ZNF682: variants seen among roughly 807,000 people sequenced by gnomAD.
ZNF682 encodes zinc finger protein 682.
A neutral mutation model predicts 36.5 loss-of-function variants in ZNF682; 29 were observed. The observed-to-expected ratio is 0.80, with a 90% CI of 0.59 to 1.08. The LOEUF is 1.08. ZNF682 is among the 50% of genes least tolerant of loss of function. The probability of loss-of-function intolerance (pLI) is 0.00; values close to 1 mark genes in which losing one functional copy is unlikely to be tolerated. For synonymous variants in ZNF682, 180 were observed against 197.0 expected (o/e 0.91, Z 0.72); for missense variants, 561 against 579.7 (o/e 0.97, Z 0.33).
intron 3 of ZNF682, among the ~76,000 whole-genome samples, chr19:20,012,618 A>C (rs1006081375): frequency 2.6e-5 from 4 of 151,938 alleles, no homozygotes; most frequent in Non-Finnish European, 5.9e-5. Context: ...AATACAAAAA[A>C]TTAGTGGGGC....
chr19:20,028,213 G>GGTTTGTTTGTTTGTTT (rs61022181), intron 1 of ZNF682, among the ~76,000 whole-genome samples: 23 of 151,514 alleles, frequency 1.5e-4, no homozygotes, highest in South Asian at 4.2e-4. Flanking sequence ...TGATTCTGCA[G>GGTTTGTTTGTTTGTTT]GTTTGTTTGT....
At chr19:20,036,326 G>A (rs952764473) in intron 1 of ZNF682, among the ~76,000 whole-genome samples, 1 of 151,924 alleles carries the variant, frequency 6.6e-6, no homozygotes, top group Non-Finnish European at 1.5e-5. Context: ...CCTATCCTTC[G>A]TGTTTTCTGA....
intron 1 of ZNF682, among the ~76,000 whole-genome samples, chr19:20,032,132 T>A (rs2088484788): frequency 6.6e-6 from 1 of 152,198 alleles, no homozygotes; most frequent in Non-Finnish European, 1.5e-5. Flanking sequence ...CTAACAGAAC[T>A]TGCATCCCTC....
At position 20,007,002 on chromosome 19, in the gene ZNF682, T is replaced by C. The variant is rs1239726804; in HGVS notation, c.500A>G (p.His167Arg). ...ACATTTGAAAAGTTTCTCTGTAGTA[T>C]GTCTTATGTTTTCTCTATTTAGATT... ...SSNLNRENIR[H>R]TTEKLFKCMQ... is the part of the protein sequence containing the mutation. Residue 167 changes from histidine (H) to arginine (R), a missense_variant, in exon 4 of 4, where the codon CAT becomes CGT. By Grantham distance (29) the His-to-Arg change is conservative (BLOSUM62 0). Coordinates refer to ENST00000397165, the MANE Select transcript of ZNF682 (RefSeq NM_033196.3). 5.6e-6 allele frequency: 9 copies of C among 1,613,142 alleles called. No homozygotes were observed. The highest frequency in any genetic ancestry group is 1.1e-5 in the South Asian group (1 of 90,980).
rs751656039 is a variant in ZNF682, at chr19:20,006,777, G to A, written c.725C>T (p.Ser242Leu). The A allele has an allele frequency of 1.1e-5, 17 of 1,613,718 alleles. No individual in the cohort carries two copies. Among genetic ancestry groups the A allele is most frequent in the Middle Eastern group, 1.6e-4 (1 of 6,084 alleles). ...EECGKAFNWC[S>L]SLTKHKRIHT... is the part of the protein sequence containing the mutation. ...GATTCTCTTATGTTTAGTAAGACTC[G>A]AGCACCAGTTAAAAGCTTTGCCACA... The change falls in exon 4 of 4, where the codon TCG (serine) becomes TTG (leucine). Residue 242 changes from serine (S) to leucine (L), a missense_variant. Transcript: ENST00000397165.
chr19:20,004,523 T>C lies in ZNF682; in HGVS notation c.*1482A>G, dbSNP rs1000048855. The C allele has an allele frequency of 6.6e-6, 1 of 152,226 alleles. No homozygotes were observed. The highest frequency in any genetic ancestry group is 2.4e-5 in the African/African-American group (1 of 41,462). 9.4% of individuals were successfully genotyped at this position (152,226 alleles called of 1,614,324 possible). A position where few individuals can be genotyped will look rare whatever the true frequency, so the allele number is the denominator to read the frequency against. Reference sequence around the variant, plus strand: ...CTAATGTGCAATTGGTAAAACAATTTACTAAAATTTGAATAATGCACAAGA... The same window carrying C: ...CTAATGTGCAATTGGTAAAACAATTCACTAAAATTTGAATAATGCACAAGA... On this transcript the variant is annotated 3_prime_UTR_variant, in exon 4 of 4. Transcript: ENST00000397165.
At chr19:19,995,228 CATA>C (rs1242957394), downstream of ZNF682, among the ~76,000 whole-genome samples, 5 of 152,064 alleles carry the variant, frequency 3.3e-5, no homozygotes, top group Admixed American at 2.6e-4. Context: ...AGATTGCAGA[CATA>C]ATAAGCAAAT....
chr19:20,037,675 T>C lies in ZNF682; in HGVS notation c.3+1668A>G, dbSNP rs114616248. Among the ~76,000 whole-genome samples, 562 of 152,302 alleles carry C rather than the reference T, an allele frequency of 3.7e-3. 4 individuals are homozygous for C. Among genetic ancestry groups the C allele is most frequent in the African/African-American group, 0.013 (542 of 41,552 alleles). On this transcript the variant is annotated intron_variant, in intron 1 of 3. Coordinates refer to ENST00000397165, the MANE Select transcript of ZNF682 (RefSeq NM_033196.3). Reference sequence around the variant, plus strand: ...GCTGTGCCCCACTGTGTCCCTTAGATGCATTTTGCTTTGCAGGTTTTTGCA... The same window carrying C: ...GCTGTGCCCCACTGTGTCCCTTAGACGCATTTTGCTTTGCAGGTTTTTGCA...
intron 1 of ZNF682, among the ~76,000 whole-genome samples, chr19:20,035,870 G>C (rs2088524771): frequency 6.6e-6 from 1 of 151,568 alleles, no homozygotes; most frequent in Non-Finnish European, 1.5e-5. Flanking sequence ...CAAGTAGCAG[G>C]GATTACAGGC....
rs1475114737 is a variant in ZNF682 at position 20,007,182 on chromosome 19, C to T, written c.320G>A (p.Gly107Glu). 17 of 1,613,600 alleles carry T rather than the reference C, an allele frequency of 1.1e-5. No homozygotes were observed. The Admixed American group carries it at 2.7e-4, about 25-fold the overall frequency. The change falls in exon 4 of 4, where the codon GGA (glycine) becomes GAA (glutamate). Residue 107 changes from glycine (G) to glutamate (E), a missense_variant. Coordinates refer to ENST00000397165, the MANE Select transcript of ZNF682 (RefSeq NM_033196.3). ...CTTCCTTAAGTGTAAATCCTCAAGTCCACAGCTTCCATATCTTCTCAGTAT... is the reference window on the plus strand; with the variant it reads ...CTTCCTTAAGTGTAAATCCTCAAGTTCACAGCTTCCATATCTTCTCAGTAT... ...KVILRRYGSC[G>E]LEDLHLRKDG...
chr19:20,030,069 TG>T (rs1408475918), intron 1 of ZNF682, among the ~76,000 whole-genome samples: 1 of 152,130 alleles, frequency 6.6e-6, no homozygotes, highest in Non-Finnish European at 1.5e-5. Context: ...TCCATGTCAC[TG>T]GGGTATTTCC....
At chr19:20,009,895 C>T (rs1355691347) in intron 3 of ZNF682, among the ~76,000 whole-genome samples, 2 of 152,042 alleles carry the variant, frequency 1.3e-5, no homozygotes, top group East Asian at 3.9e-4. Flanking sequence ...TAGCGTGCAC[C>T]TGTAGTCCTA....
chr19:20,029,617 T>A (rs1354170279), intron 1 of ZNF682, among the ~76,000 whole-genome samples: 1 of 137,824 alleles, frequency 7.3e-6, no homozygotes. Context: ...AAAAAAAAAA[T>A]TAAAAAAAAT....
In ZNF682 at chr19:20,011,527, T is replaced by C. The variant is rs544299686; in HGVS notation, c.227-4252A>G. Among the ~76,000 whole-genome samples the C allele has an allele frequency of 2.6e-5, 4 of 152,354 alleles. No individual in the cohort carries two copies. The East Asian group carries it at 7.7e-4, about 29-fold the overall frequency. ...TACATTCTCATCTGCGCACAGAATA[T>C]ACTTTAAGATTGACCACATGCTCAG... On this transcript the variant is annotated intron_variant, in intron 3 of 3. Coordinates refer to ENST00000397165, the MANE Select transcript of ZNF682 (RefSeq NM_033196.3).
intron 3 of ZNF682, among the ~76,000 whole-genome samples, chr19:20,013,486 G>A (rs1210907721): frequency 6.6e-6 from 1 of 152,084 alleles, no homozygotes; most frequent in African/African-American, 2.4e-5. Context: ...TACACCTAAT[G>A]GACATATAGC....
intron 1 of ZNF682, among the ~76,000 whole-genome samples, chr19:20,029,222 G>A (rs1332916712): frequency 6.6e-6 from 1 of 151,298 alleles, no homozygotes; most frequent in Non-Finnish European, 1.5e-5. Flanking sequence ...CAGTTGATCT[G>A]CCTGCGCCCC....
At chr19:20,035,155 G>T (rs1243961477) in intron 1 of ZNF682, among the ~76,000 whole-genome samples, 1 of 152,108 alleles carries the variant, frequency 6.6e-6, no homozygotes, top group Non-Finnish European at 1.5e-5. Flanking sequence ...ATACCTGTTG[G>T]ATTAATTAAT....
intron 1 of ZNF682, chr19:20,030,647 A>G (rs998169346): frequency 3.9e-5 from 6 of 152,232 alleles, no homozygotes; most frequent in South Asian, 2.1e-4. Context: ...GTGACATCAG[A>G]GTTCCCAACA....
chr19:20,001,883 C>T (rs2088170004), downstream of ZNF682, among the ~76,000 whole-genome samples: 1 of 152,188 alleles, frequency 6.6e-6, no homozygotes, highest in Non-Finnish European at 1.5e-5. Flanking sequence ...TGTCCAAATA[C>T]ATTCACAATC....
Sources: allele counts gnomAD v4.1 joint callset (sites outside exome capture counted in the v4.1 genomes callset), GRCh38; gene constraint gnomAD v4.1.1; transcripts MANE v1.5; gene names NCBI Gene and HGNC (gene_info 2026-07-23, HGNC 2026-07-21).